The following SLC25A21 variants were observed in gnomAD, a reference collection of about 807,000 sequenced individuals.
SLC25A21 encodes the protein solute carrier family 25 member 21, also known as mitochondrial 2-oxodicarboxylate carrier.
In SLC25A21, 47 loss-of-function variants were observed where a neutral mutation model predicts 43.8. The ratio of observed to expected loss-of-function variants is 1.07; its 90% CI spans 0.85 to 1.37. The LOEUF (loss-of-function observed/expected upper bound fraction) is 1.37, where lower values mean the gene tolerates loss of function less well. Among genes scored for constraint, SLC25A21 ranks in the 40% most tolerant of loss-of-function variants. The pLI is 0.00. For missense variants in SLC25A21, 352 were observed against 350.2 expected, an observed-to-expected ratio of 1.00 and a Z score of -0.04; for synonymous variants, 131 against 121.3, an observed-to-expected ratio of 1.08 and a Z score of -0.52.
At chr14:36,837,691 G>A (rs1469383348) in intron 2 of SLC25A21, among the ~76,000 whole-genome samples, 3 of 151,992 alleles carry the variant, frequency 2.0e-5, no homozygotes, top group Non-Finnish European at 2.9e-5. Context: ...AGGAAGCAAT[G>A]ACACCTTGGC....
intron 2 of SLC25A21, among the ~76,000 whole-genome samples, chr14:36,856,231 T>C (rs1889893638): frequency 6.6e-6 from 1 of 152,208 alleles, no homozygotes; most frequent in Non-Finnish European, 1.5e-5. Flanking sequence ...ACTCTGTTTA[T>C]TGTTGGTCCG....
chr14:36,907,790 C>G (rs1394059256), intron 1 of SLC25A21, among the ~76,000 whole-genome samples: 1 of 152,036 alleles, frequency 6.6e-6, no homozygotes, highest in Non-Finnish European at 1.5e-5. Context: ...TAAGTTATTT[C>G]TAAAAAATGT....
intron 1 of SLC25A21, among the ~76,000 whole-genome samples, chr14:37,121,312 T>C (rs565193113): frequency 3.3e-5 from 5 of 152,202 alleles, no homozygotes; most frequent in Non-Finnish European, 7.3e-5. Flanking sequence ...TCCCCTGAGA[T>C]AAATTGTGTG....
At chr14:36,994,557 G>A (rs1339242488) in intron 1 of SLC25A21, among the ~76,000 whole-genome samples, 3 of 152,098 alleles carry the variant, frequency 2.0e-5, no homozygotes, top group Non-Finnish European at 2.9e-5. Flanking sequence ...GCAGCTTTAC[G>A]CACTCTAAAA....
chr14:36,774,681 T>A (rs899216400), intron 3 of SLC25A21, among the ~76,000 whole-genome samples: 4 of 152,056 alleles, frequency 2.6e-5, no homozygotes. Flanking sequence ...ATCCTCCCCC[T>A]CAGCCTCCTG....
intron 1 of SLC25A21, among the ~76,000 whole-genome samples, chr14:37,020,080 T>C (rs754768622): frequency 3.3e-5 from 5 of 151,938 alleles, no homozygotes; most frequent in African/African-American, 4.8e-5. Flanking sequence ...AAATACATTC[T>C]AAAGTTAAAC....
intron 1 of SLC25A21, among the ~76,000 whole-genome samples, chr14:37,163,399 A>C (rs2138952507): frequency 6.6e-6 from 1 of 152,220 alleles, no homozygotes; most frequent in Admixed American, 6.5e-5. Flanking sequence ...TAAGGACTAC[A>C]GATAATAATG....
intron 1 of SLC25A21, among the ~76,000 whole-genome samples, chr14:37,107,966 C>A (rs1391407560): frequency 6.6e-6 from 1 of 152,126 alleles, no homozygotes; most frequent in Non-Finnish European, 1.5e-5. Context: ...TATCCACTGG[C>A]ATTCCTAATA....
chr14:37,073,981 T>C (rs1298035043), intron 1 of SLC25A21, among the ~76,000 whole-genome samples: 1 of 150,992 alleles, frequency 6.6e-6, no homozygotes, highest in African/African-American at 2.5e-5. Flanking sequence ...CCTACAAAGC[T>C]CTAGAAAGAG....
At chr14:37,046,545 G>A (rs2138791466) in intron 1 of SLC25A21, among the ~76,000 whole-genome samples, 1 of 152,216 alleles carries the variant, frequency 6.6e-6, no homozygotes, top group East Asian at 1.9e-4. Context: ...ACTCCCTACG[G>A]TCATGTTGAT....
At chr14:36,773,106 T>C (rs1886684242) in intron 3 of SLC25A21, among the ~76,000 whole-genome samples, 1 of 152,160 alleles carries the variant, frequency 6.6e-6, no homozygotes, top group Admixed American at 6.5e-5. Context: ...TTTACCAGCA[T>C]TCTTGAGGAT....
intron 1 of SLC25A21, among the ~76,000 whole-genome samples, chr14:36,902,464 C>T (rs910737283): frequency 1.2e-4 from 18 of 150,786 alleles, no homozygotes; most frequent in Admixed American, 6.6e-5. Flanking sequence ...CACACACACA[C>T]GAACTCTGAA....
At chr14:36,894,437 G>C (rs1891178135) in intron 1 of SLC25A21, among the ~76,000 whole-genome samples, 1 of 152,094 alleles carries the variant, frequency 6.6e-6, no homozygotes, top group South Asian at 2.1e-4. Flanking sequence ...AGGAGATTTT[G>C]GGCTGAGACA....
At chr14:36,826,733 T>A (rs564802420) in intron 2 of SLC25A21, among the ~76,000 whole-genome samples, 1 of 152,314 alleles carries the variant, frequency 6.6e-6, no homozygotes, top group South Asian at 2.1e-4. Flanking sequence ...GGTTCAAAGA[T>A]AAGTGGCCTC....
Position 36,979,330 on chromosome 14 carries a change from TG to T in SLC25A21, c.71-104327del, listed in dbSNP as rs1442008777. 1.8e-3 allele frequency among the ~76,000 whole-genome samples: 265 copies of T among 145,362 alleles called. 3 individuals are homozygous for T. The highest frequency in any genetic ancestry group is 6.5e-3 in the African/African-American group (245 of 37,852). On this transcript the variant is annotated intron_variant, in intron 1 of 9. Coordinates refer to ENST00000331299, the MANE Select transcript of SLC25A21 (RefSeq NM_030631.4). ...ATAACCAATTAAGGTAGTGTTTTTT[TG>T]GTTTTTTTTTTTACTGTTTTTGTTT...
chr14:36,895,121 G>T (rs1179094427), intron 1 of SLC25A21, among the ~76,000 whole-genome samples: 1 of 152,198 alleles, frequency 6.6e-6, no homozygotes, highest in Non-Finnish European at 1.5e-5. Context: ...AATGGTATCA[G>T]CTCCTCCTTA....
intron 1 of SLC25A21, among the ~76,000 whole-genome samples, chr14:37,042,738 T>C (rs1289848804): frequency 6.6e-6 from 1 of 152,234 alleles, no homozygotes; most frequent in Non-Finnish European, 1.5e-5. Context: ...ACCTATTGTG[T>C]AAACCAGGGC....
intron 7 of SLC25A21, among the ~76,000 whole-genome samples, chr14:36,699,643 G>A (rs1377352967): frequency 2.0e-5 from 3 of 152,176 alleles, no homozygotes; most frequent in Admixed American, 6.5e-5. Flanking sequence ...ACCTACTCAA[G>A]CCTAAGCGAT....
At chr14:36,834,358 TCAGA>T (rs762362487) in intron 2 of SLC25A21, among the ~76,000 whole-genome samples, 6 of 152,076 alleles carry the variant, frequency 3.9e-5, no homozygotes, top group Non-Finnish European at 8.8e-5. Context: ...GGCTTTGGAG[TCAGA>T]CAGACCTGGG....
Sources: allele counts gnomAD v4.1 joint callset (sites outside exome capture counted in the v4.1 genomes callset), GRCh38; gene constraint gnomAD v4.1.1; transcripts MANE v1.5; gene names NCBI Gene and HGNC (gene_info 2026-07-23, HGNC 2026-07-21).